The following OSBPL9 variants were observed in gnomAD, a reference collection of about 807,000 sequenced individuals.
OSBPL9 encodes oxysterol binding protein like 9.
A neutral mutation model predicts 106.6 loss-of-function variants in OSBPL9; 40 were observed. The observed-to-expected ratio is 0.38, with a 90% CI of 0.29 to 0.49. OSBPL9 has a LOEUF of 0.49. OSBPL9 is among the 20% of genes least tolerant of loss of function. OSBPL9 has a pLI of 0.97. For synonymous variants in OSBPL9, 269 were observed against 295.4 expected (o/e 0.91, Z 0.92); for missense variants, 609 against 887.2 (o/e 0.69, Z 3.98).
chr1:51,785,914 T>G, intron 21 of OSBPL9, 28 bp downstream of exon 21: 1 of 1,559,542 alleles, frequency 6.4e-7, no homozygotes, highest in Non-Finnish European at 8.8e-7. Flanking sequence ...GCCACTTGTT[T>G]TAGGCTACAT....
chr1:51,685,313 T>C (rs139056383), intron 3 of OSBPL9, among the ~76,000 whole-genome samples: 320 of 152,276 alleles, frequency 2.1e-3, no homozygotes, highest in African/African-American at 7.0e-3. Context: ...GCTATAGTAA[T>C]TCTGGTAATG....
chr1:51,611,146 A>G (rs1296723793), intron 2 of OSBPL9, among the ~76,000 whole-genome samples: 1 of 152,082 alleles, frequency 6.6e-6, no homozygotes, highest in African/African-American at 2.4e-5. Flanking sequence ...ATCTCCTAAA[A>G]TATTTTCTCT....
the OSBPL9 span, among the ~76,000 whole-genome samples, chr1:51,559,440 TACACAC>T: frequency 1.5e-4 from 22 of 147,570 alleles, no homozygotes; most frequent in Admixed American, 2.0e-4. Flanking sequence ...CACACATACA[TACACAC>T]ACACACACAC....
At chr1:51,718,059 C>T (rs1445987010) in intron 4 of OSBPL9, among the ~76,000 whole-genome samples, 2 of 152,152 alleles carry the variant, frequency 1.3e-5, no homozygotes, top group Admixed American at 1.3e-4. Flanking sequence ...ATTTGCAATC[C>T]TGTCTTGAAT....
Position 51,767,936 on chromosome 1 carries a change from C to CTTTTTTTTTTTT in OSBPL9, c.938+1971_938+1982dup, listed in dbSNP as rs869092922. On this transcript the variant is annotated intron_variant, in intron 12 of 23. Transcript: ENST00000428468. The stretch of plus-strand genomic sequence containing the variant: ...TATTTAAAAGAGAATTAAAGACCGT[C>CTTTTTTTTTTTT]TTTTTTTTTTTTTTTTTTTTTTTTT... Among the ~76,000 whole-genome samples the CTTTTTTTTTTTT allele has an allele frequency of 4.9e-4, 32 of 65,052 alleles. 5 individuals are homozygous for CTTTTTTTTTTTT. Among genetic ancestry groups the CTTTTTTTTTTTT allele is most frequent in the African/African-American group, 1.9e-3 (31 of 16,730 alleles). 42.7% of individuals were successfully genotyped at this position (65,052 alleles called of 152,430 possible).
intron 7 of OSBPL9, among the ~76,000 whole-genome samples, chr1:51,748,644 A>G (rs749781412): frequency 6.6e-6 from 1 of 152,136 alleles, no homozygotes; most frequent in Non-Finnish European, 1.5e-5. Context: ...TGAAATCTTG[A>G]TAAAAGGTGT....
At chr1:51,706,979 C>G (rs1259998476) in intron 3 of OSBPL9, among the ~76,000 whole-genome samples, 1 of 152,094 alleles carries the variant, frequency 6.6e-6, no homozygotes. Context: ...AGGCCCCTCC[C>G]TCTTCAGGGG....
intron 2 of OSBPL9, among the ~76,000 whole-genome samples, chr1:51,603,855 G>A (rs980949439): frequency 9.2e-5 from 14 of 152,122 alleles, no homozygotes; most frequent in African/African-American, 3.1e-4. Flanking sequence ...AGACAGAAGT[G>A]AAGATAGTCA....
At chr1:51,596,258 CAAAAAAAAAAA>C (rs35791042) in intron 1 of OSBPL9, among the ~76,000 whole-genome samples, 1 of 48,360 alleles carries the variant, frequency 2.1e-5, no homozygotes, top group South Asian at 7.1e-4. Flanking sequence ...GACGCTGTCT[CAAAAAAAAAAA>C]AAAAAAAAAA....
chr1:51,562,861 A>T, the OSBPL9 span, among the ~76,000 whole-genome samples: 1 of 152,208 alleles, frequency 6.6e-6, no homozygotes, highest in Non-Finnish European at 1.5e-5. Flanking sequence ...TTTGACACTG[A>T]TTCCTTTCGT....
In OSBPL9 at chr1:51,608,471, T is replaced by A. The variant is rs1024464923; in HGVS notation, c.-352-5834T>A. On this transcript the variant is annotated intron_variant, in intron 2 of 25. Transcript: ENST00000371714. Reference sequence around the variant, plus strand: ...CCATGCCCAGCTAATTTTTTTTTTTTTTATTTTTAGTAGAGAAAGGGTTTC... The same window carrying A: ...CCATGCCCAGCTAATTTTTTTTTTTATTATTTTTAGTAGAGAAAGGGTTTC... Among the ~76,000 whole-genome samples, 111 of 148,182 alleles carry A rather than the reference T, an allele frequency of 7.5e-4. 1 individual carries two copies. The highest frequency in any genetic ancestry group is 1.0e-3 in the South Asian group (5 of 4,810).
chr1:51,705,437 G>C (rs1222452204), intron 3 of OSBPL9, among the ~76,000 whole-genome samples: 2 of 83,142 alleles, frequency 2.4e-5, no homozygotes, highest in Admixed American at 1.6e-4. Context: ...TTTTGAGACG[G>C]AGTTTCGCTC....
chr1:51,780,372 T>C (rs978683358), intron 15 of OSBPL9, among the ~76,000 whole-genome samples: 4 of 152,162 alleles, frequency 2.6e-5, no homozygotes, highest in African/African-American at 9.7e-5. Context: ...CCTGGGTATT[T>C]ACTCAGAGGA....
At chr1:51,631,629 A>G (rs917882717) in intron 1 of OSBPL9, among the ~76,000 whole-genome samples, 7 of 152,174 alleles carry the variant, frequency 4.6e-5, no homozygotes, top group African/African-American at 7.2e-5. Context: ...ATGGCTGACA[A>G]TCATTTATGT....
At chr1:51,786,028 G>T (rs1571800880) in intron 21 of OSBPL9, 142 bp downstream of exon 21, 2 of 701,446 alleles carry the variant, frequency 2.9e-6, no homozygotes. Flanking sequence ...GACAGCTCCA[G>T]TGTATGTCAT....
At chr1:51,597,473 A>G (rs1645306198) in intron 1 of OSBPL9, among the ~76,000 whole-genome samples, 1 of 151,024 alleles carries the variant, frequency 6.6e-6, no homozygotes, top group South Asian at 2.1e-4. Context: ...ATACACACAC[A>G]CACAAAGGAT....
chr1:51,616,868 T>C (rs1430287043), upstream of OSBPL9: 1 of 547,894 alleles, frequency 1.8e-6, no homozygotes, highest in African/African-American at 1.9e-5. Flanking sequence ...TCTAATCCCA[T>C]GACAGATTAT....
intron 3 of OSBPL9, among the ~76,000 whole-genome samples, chr1:51,672,375 G>C (rs1650084313): frequency 2.0e-5 from 3 of 152,124 alleles, no homozygotes; most frequent in Non-Finnish European, 2.9e-5. Flanking sequence ...ACAATAAAAT[G>C]TACACAATAT....
intron 1 of OSBPL9, among the ~76,000 whole-genome samples, chr1:51,592,378 G>C (rs1645281494): frequency 6.6e-6 from 1 of 152,152 alleles, no homozygotes; most frequent in Non-Finnish European, 1.5e-5. Flanking sequence ...GCCTCCCAAA[G>C]TGCTGGGATT....
Sources: gnomAD v4.1 joint callset for allele counts (sites outside exome capture counted in the v4.1 genomes callset) on GRCh38, gnomAD v4.1.1 for gene constraint, MANE v1.5 for transcripts, NCBI Gene and HGNC (gene_info 2026-07-23, HGNC 2026-07-21) for gene names.